ATRNL1: variants seen among roughly 807,000 people sequenced by gnomAD.
ATRNL1 encodes attractin like 1.
A neutral mutation model predicts 182.7 loss-of-function variants in ATRNL1; 95 were observed. The ratio of observed to expected loss-of-function variants is 0.52; its 90% CI spans 0.44 to 0.62. ATRNL1 has a LOEUF of 0.62. Among genes scored for constraint, ATRNL1 ranks in the 20% least tolerant of loss-of-function variants. ATRNL1 has a pLI of 0.00. For missense variants in ATRNL1, 1,471 were observed against 1,679.5 expected, an observed-to-expected ratio of 0.88 and a Z score of 2.17; for synonymous variants, 576 against 568.3, an observed-to-expected ratio of 1.01 and a Z score of -0.19.
chr10:115,617,456 T>A (rs1297306922), intron 26 of ATRNL1, among the ~76,000 whole-genome samples: 6 of 152,288 alleles, frequency 3.9e-5, no homozygotes, highest in Admixed American at 3.3e-4. Flanking sequence ...GCCTCCTGGA[T>A]TCAAGCAATT....
Position 115,246,510 on chromosome 10 carries a change from C to T in ATRNL1, c.1687+4785C>T, listed in dbSNP as rs993779581. The stretch of plus-strand genomic sequence containing the variant: ...AAATAGTGACCTCAAGATAGAAAAT[C>T]CAGGAGAAAGAAAAGGATAATGGAT... On this transcript the variant is annotated intron_variant, in intron 10 of 28. Coordinates refer to ENST00000355044, the MANE Select transcript of ATRNL1 (RefSeq NM_207303.4). Among the ~76,000 whole-genome samples the T allele has an allele frequency of 3.5e-4, 53 of 151,926 alleles. 1 individual carries two copies. The highest frequency in any genetic ancestry group is 3.5e-3 in the Admixed American group (53 of 15,240).
intron 13 of ATRNL1, among the ~76,000 whole-genome samples, chr10:115,280,200 G>A (rs1198438034): frequency 1.3e-5 from 2 of 152,136 alleles, no homozygotes; most frequent in Non-Finnish European, 2.9e-5. Flanking sequence ...GCCTAACCCT[G>A]TACAAAGGAC....
intron 18 of ATRNL1, among the ~76,000 whole-genome samples, chr10:115,321,340 C>T (rs1442602912): frequency 6.6e-6 from 1 of 152,046 alleles, no homozygotes; most frequent in Admixed American, 6.5e-5. Flanking sequence ...AATTTGTTTA[C>T]CTTAAAAGTT....
intron 25 of ATRNL1, among the ~76,000 whole-genome samples, chr10:115,547,159 G>T (rs758372375): frequency 6.6e-6 from 1 of 151,778 alleles, no homozygotes; most frequent in African/African-American, 2.4e-5. Flanking sequence ...GGAGGCTGAG[G>T]TGGGAGAATT....
At chr10:115,215,649 T>C in intron 8 of ATRNL1, 48 bp from the exon 9 acceptor site, 2 of 1,412,222 alleles carry the variant, frequency 1.4e-6, no homozygotes, top group Admixed American at 5.3e-5. Context: ...ATTAGTTATA[T>C]TTAAAAATAC....
intron 7 of ATRNL1, among the ~76,000 whole-genome samples, chr10:115,168,765 A>G (rs1847160819): frequency 1.3e-5 from 2 of 151,996 alleles, no homozygotes; most frequent in South Asian, 4.1e-4. Context: ...TGCTGTTTTC[A>G]CTTTCTTGAT....
At chr10:115,375,616 A>G (rs779523024) in intron 19 of ATRNL1, among the ~76,000 whole-genome samples, 3 of 150,490 alleles carry the variant, frequency 2.0e-5, no homozygotes, top group South Asian at 4.2e-4. Context: ...TTTTTTCTTT[A>G]TCTTTTGTGC....
chr10:115,868,711 A>G (rs553048493), intron 28 of ATRNL1, among the ~76,000 whole-genome samples: 9 of 152,078 alleles, frequency 5.9e-5, no homozygotes, highest in East Asian at 1.9e-4. Context: ...GCCAATGCCA[A>G]TGGGTTTCAT....
chr10:115,592,656 T>C (rs1855981991), intron 26 of ATRNL1, among the ~76,000 whole-genome samples: 1 of 152,194 alleles, frequency 6.6e-6, no homozygotes, highest in Admixed American at 6.5e-5. Context: ...CGTCATTCAC[T>C]TGGTGTAATA....
chr10:115,601,425 G>A (rs560456107), intron 26 of ATRNL1, among the ~76,000 whole-genome samples: 1 of 152,000 alleles, frequency 6.6e-6, no homozygotes, highest in Non-Finnish European at 1.5e-5. Flanking sequence ...TCTATATTCC[G>A]GCTTATGTTC....
At chr10:115,462,719 G>A (rs1847876498) in intron 22 of ATRNL1, among the ~76,000 whole-genome samples, 1 of 151,918 alleles carries the variant, frequency 6.6e-6, no homozygotes, top group South Asian at 2.1e-4. Context: ...TTTTTTCTCA[G>A]TCAGTAGTTT....
chr10:115,318,757 A>T (rs531817888), intron 18 of ATRNL1, among the ~76,000 whole-genome samples: 19 of 151,532 alleles, frequency 1.3e-4, no homozygotes, highest in Admixed American at 9.9e-4. Flanking sequence ...TCATTTTTTT[A>T]TTGTGTCTAT....
intron 21 of ATRNL1, among the ~76,000 whole-genome samples, chr10:115,429,882 G>A (rs550917411): frequency 2.2e-4 from 34 of 152,030 alleles, no homozygotes; most frequent in Middle Eastern, 3.4e-3. Context: ...CCTGGCTAAC[G>A]CGTTGAAACC....
intron 1 of ATRNL1, 117 bp downstream of exon 1, chr10:115,094,160 A>G (rs2084951872): frequency 1.9e-6 from 2 of 1,056,234 alleles, no homozygotes; most frequent in Non-Finnish European, 2.5e-6. Flanking sequence ...CCCGGCCGTG[A>G]GTGAACCTCA....
chr10:115,258,091 G>A (rs1235949096), intron 10 of ATRNL1, among the ~76,000 whole-genome samples: 1 of 152,088 alleles, frequency 6.6e-6, no homozygotes, highest in Non-Finnish European at 1.5e-5. Context: ...GTGTCTTGGG[G>A]TTGCTCTTCT....
intron 14 of ATRNL1, among the ~76,000 whole-genome samples, chr10:115,282,083 A>G (rs1852389477): frequency 6.8e-6 from 1 of 146,182 alleles, no homozygotes; most frequent in Non-Finnish European, 1.5e-5. Context: ...TATTAAAATT[A>G]TATATCTAGT....
Position 115,670,950 on chromosome 10 carries a change from G to A in ATRNL1, c.3796-56298G>A, listed in dbSNP as rs371064728. Among the ~76,000 whole-genome samples, 3 of 152,132 alleles carry A rather than the reference G, an allele frequency of 2.0e-5. No individual in the cohort carries two copies. The South Asian group carries it at 6.2e-4, about 31-fold the overall frequency. On this transcript the variant is annotated intron_variant, in intron 26 of 28. Coordinates refer to ENST00000355044, the MANE Select transcript of ATRNL1 (RefSeq NM_207303.4). ...AAATATTACAGAAATAAAAAGCAGTGTTATTGAAGCCACTGTACCTTTATC... is the reference window on the plus strand; with the variant it reads ...AAATATTACAGAAATAAAAAGCAGTATTATTGAAGCCACTGTACCTTTATC...
intron 14 of ATRNL1, among the ~76,000 whole-genome samples, chr10:115,282,424 A>G (rs1265278109): frequency 6.6e-6 from 1 of 150,640 alleles, no homozygotes; most frequent in Non-Finnish European, 1.5e-5. Context: ...CCACCCCACA[A>G]CAGTCCCCAG....
intron 19 of ATRNL1, among the ~76,000 whole-genome samples, chr10:115,388,356 T>C (rs550842299): frequency 2.6e-5 from 4 of 152,332 alleles, no homozygotes; most frequent in African/African-American, 9.6e-5. Flanking sequence ...ATATTCATGA[T>C]GACTTTTAGC....
Sources: allele counts gnomAD v4.1 joint callset (sites outside exome capture counted in the v4.1 genomes callset), GRCh38; gene constraint gnomAD v4.1.1; transcripts MANE v1.5; gene names NCBI Gene and HGNC (gene_info 2026-07-23, HGNC 2026-07-21).